KCND2: variants seen among roughly 807,000 people sequenced by gnomAD.
The protein encoded by KCND2 is A-type voltage-gated potassium channel KCND2.
KCND2 carries 16 observed loss-of-function variants against 54.4 expected under a neutral mutation model. The observed-to-expected ratio is 0.29, with a 90% CI of 0.20 to 0.45. The LOEUF is 0.45. Ranked by LOEUF, KCND2 falls within the 20% of genes least tolerant of loss-of-function variation. The pLI is 1.00. For synonymous variants in KCND2, 317 were observed against 310.7 expected, an observed-to-expected ratio of 1.02 and a Z score of -0.21; for missense variants, 486 against 824.2, an observed-to-expected ratio of 0.59 and a Z score of 5.02.
intron 1 of KCND2, among the ~76,000 whole-genome samples, chr7:120,368,669 C>A (rs1388692339): frequency 1.3e-5 from 2 of 152,020 alleles, no homozygotes; most frequent in East Asian, 3.9e-4. Context: ...TTTACTAATT[C>A]TCCTTTATCA....
At chr7:120,317,460 T>G (rs1035911217) in intron 1 of KCND2, among the ~76,000 whole-genome samples, 3 of 152,200 alleles carry the variant, frequency 2.0e-5, no homozygotes, top group Admixed American at 2.0e-4. Context: ...ACATTTAATT[T>G]TTACATTTTT....
At chr7:120,537,522 A>G (rs1035251397) in intron 1 of KCND2, among the ~76,000 whole-genome samples, 2 of 152,180 alleles carry the variant, frequency 1.3e-5, no homozygotes, top group African/African-American at 4.8e-5. Flanking sequence ...CTAGACATTG[A>G]CTTCTCCTCT....
intron 1 of KCND2, among the ~76,000 whole-genome samples, chr7:120,557,069 A>G (rs1792174721): frequency 6.6e-6 from 1 of 152,104 alleles, no homozygotes; most frequent in African/African-American, 2.4e-5. Flanking sequence ...TTTTTTCTCA[A>G]TGTTGCTTAC....
chr7:120,713,856 A>G (rs1792570661), intron 1 of KCND2, among the ~76,000 whole-genome samples: 1 of 152,180 alleles, frequency 6.6e-6, no homozygotes, highest in Non-Finnish European at 1.5e-5. Flanking sequence ...TTGTTTTGAC[A>G]TACTAGTCTT....
chr7:120,684,126 A>G (rs1792172719), intron 1 of KCND2, among the ~76,000 whole-genome samples: 1 of 152,162 alleles, frequency 6.6e-6, no homozygotes, highest in South Asian at 2.1e-4. Context: ...ACGGCTGACT[A>G]CAAGGAAAGC....
chr7:120,361,386 GCT>G (rs1051429090), intron 1 of KCND2, among the ~76,000 whole-genome samples: 8 of 149,702 alleles, frequency 5.3e-5, no homozygotes, highest in Non-Finnish European at 8.9e-5. Flanking sequence ...GTTCTCTCTC[GCT>G]CTCTCTCTCT....
At chr7:120,585,687 C>G (rs1231449520) in intron 1 of KCND2, among the ~76,000 whole-genome samples, 1 of 151,988 alleles carries the variant, frequency 6.6e-6, no homozygotes, top group Non-Finnish European at 1.5e-5. Flanking sequence ...TTCCAGGAAG[C>G]AGGGAAGGGA....
chr7:120,585,005 C>G (rs1433144639), intron 1 of KCND2, among the ~76,000 whole-genome samples: 2 of 152,170 alleles, frequency 1.3e-5, no homozygotes, highest in African/African-American at 4.8e-5. Flanking sequence ...TGATCATTCT[C>G]TCTTTGGGGT....
chr7:120,402,349 C>T (rs1309746313), intron 1 of KCND2, among the ~76,000 whole-genome samples: 6 of 152,090 alleles, frequency 3.9e-5, no homozygotes, highest in East Asian at 1.9e-4. Context: ...GGGAGTACAA[C>T]GGAATGATTG....
chr7:120,555,977 G>T (rs1792158188), intron 1 of KCND2, among the ~76,000 whole-genome samples: 1 of 152,088 alleles, frequency 6.6e-6, no homozygotes, highest in Non-Finnish European at 1.5e-5. Context: ...AAACACAAAG[G>T]AGTTTAAAAC....
chr7:120,300,201 A>AT (rs1799565605), intron 1 of KCND2, among the ~76,000 whole-genome samples: 1 of 152,104 alleles, frequency 6.6e-6, no homozygotes, highest in Admixed American at 6.6e-5. Flanking sequence ...ACTCCATTAG[A>AT]TTGACTTAAT....
intron 1 of KCND2, among the ~76,000 whole-genome samples, chr7:120,314,700 A>G (rs146711661): frequency 1.2e-3 from 183 of 152,286 alleles, no homozygotes; most frequent in African/African-American, 4.0e-3. Flanking sequence ...TGTTGTCTCT[A>G]TAGTATAATA....
intron 1 of KCND2, among the ~76,000 whole-genome samples, chr7:120,462,209 TTTTG>T (rs991448234): frequency 6.7e-6 from 1 of 149,486 alleles, no homozygotes; most frequent in Non-Finnish European, 1.5e-5. Context: ...TTGGATTCTT[TTTTG>T]TTTTTTTTTT....
intron 2 of KCND2, among the ~76,000 whole-genome samples, chr7:120,734,144 A>C (rs1792842613): frequency 6.6e-6 from 1 of 152,150 alleles, no homozygotes; most frequent in South Asian, 2.1e-4. Flanking sequence ...TGAGGTACAG[A>C]AACAATTGTA....
chr7:120,549,951 A>G (rs144923295), intron 1 of KCND2, among the ~76,000 whole-genome samples: 17 of 152,290 alleles, frequency 1.1e-4, no homozygotes, highest in African/African-American at 4.1e-4. Context: ...TGAAATAGAA[A>G]TAGTCATAAG....
rs1370613574 is a variant in KCND2, at chr7:120,274,650, A to C, written c.18A>C (p.Ala6=). ...AAGTAATCATGGCGGCGGGGGTGGC[A>C]GCGTGGCTGCCTTTTGCAAGGGCAG... MAAGV[A]AWLPFARAAA... is the part of the protein sequence containing the mutation. Residue 6 remains alanine (A), a synonymous_variant, in exon 1 of 6, where the codon GCA becomes GCC. Coordinates refer to ENST00000331113, the MANE Select transcript of KCND2 (RefSeq NM_012281.3). 2 of 1,613,856 alleles carry C rather than the reference A, an allele frequency of 1.2e-6. No homozygotes were observed. The highest frequency in any genetic ancestry group is 1.3e-5 in the African/African-American group (1 of 74,912).
Position 120,686,938 on chromosome 7 carries a change from G to A in KCND2, c.1116-45965G>A, listed in dbSNP as rs149371441. Among the ~76,000 whole-genome samples, 252 of 152,142 alleles carry A rather than the reference G, an allele frequency of 1.7e-3. 4 individuals are homozygous for A. Among genetic ancestry groups the A allele is most frequent in the Admixed American group, 0.013 (202 of 15,264 alleles). The stretch of plus-strand genomic sequence containing the variant: ...TGGAAGACTGCCTTTCCTTGGCACC[G>A]GTTGTGAACAATTATTATTTTAGAG... On this transcript the variant is annotated intron_variant, in intron 1 of 5. Coordinates refer to ENST00000331113, the MANE Select transcript of KCND2 (RefSeq NM_012281.3).
intron 1 of KCND2, among the ~76,000 whole-genome samples, chr7:120,350,882 T>C (rs913740890): frequency 2.0e-5 from 3 of 152,140 alleles, no homozygotes; most frequent in African/African-American, 7.2e-5. Flanking sequence ...TATTTAAACA[T>C]GAAATTACTT....
chr7:120,607,629 A>T (rs1406827131), intron 1 of KCND2, among the ~76,000 whole-genome samples: 1 of 152,128 alleles, frequency 6.6e-6, no homozygotes, highest in Non-Finnish European at 1.5e-5. Context: ...ATTATTCCCA[A>T]TGCAATAAAT....
Sources: allele counts gnomAD v4.1 joint callset (sites outside exome capture counted in the v4.1 genomes callset), GRCh38; gene constraint gnomAD v4.1.1; transcripts MANE v1.5; gene names NCBI Gene and HGNC (gene_info 2026-07-23, HGNC 2026-07-21).